The following COL8A1 variants were observed in gnomAD, a reference collection of about 807,000 sequenced individuals.
The protein encoded by COL8A1 is collagen type VIII alpha 1 chain.
Under a neutral mutation model 42.7 loss-of-function variants are expected in COL8A1, and 21 were observed. The observed-to-expected ratio is 0.49, with a 90% CI of 0.35 to 0.71. The LOEUF (loss-of-function observed/expected upper bound fraction) is 0.71, where lower values mean the gene tolerates loss of function less well. Ranked by LOEUF, COL8A1 falls within the 30% of genes least tolerant of loss-of-function variation. The pLI is 0.01. For synonymous variants in COL8A1, 367 were observed against 369.1 expected (o/e 0.99, Z 0.06); for missense variants, 788 against 962.4 (o/e 0.82, Z 2.40).
intron 1 of COL8A1, among the ~76,000 whole-genome samples, chr3:99,670,662 C>A (rs1938515159): frequency 6.6e-6 from 1 of 151,932 alleles, no homozygotes; most frequent in Non-Finnish European, 1.5e-5. Flanking sequence ...TTGAACTATA[C>A]AACACATTGT....
Position 99,752,692 on chromosome 3 carries a change from GC to G in COL8A1, c.-4+7678del, listed in dbSNP as rs576207278. On this transcript the variant is annotated intron_variant, in intron 2 of 3. Transcript: ENST00000652472. ...TGATTCTCCCTCACGCCCCCCACATGCCCCCCCACACACACATGCATGTACA... is the reference window on the plus strand; with the variant it reads ...TGATTCTCCCTCACGCCCCCCACATGCCCCCCACACACACATGCATGTACA... 2.9e-5 allele frequency among the ~76,000 whole-genome samples: 4 copies of G among 135,952 alleles called. No individual in the cohort carries two copies. The South Asian group carries it at 7.1e-4, about 24-fold the overall frequency. The allele number at this position is 135,952 out of a possible 152,430, so 89.2% of individuals were successfully genotyped here.
At chr3:99,664,333 T>C (rs933340202) in intron 1 of COL8A1, among the ~76,000 whole-genome samples, 5 of 152,188 alleles carry the variant, frequency 3.3e-5, no homozygotes, top group African/African-American at 9.7e-5. Context: ...TTTTCTCCAA[T>C]CACAGCTTTC....
At chr3:99,710,967 T>C (rs1470490830) in intron 1 of COL8A1, among the ~76,000 whole-genome samples, 10 of 152,170 alleles carry the variant, frequency 6.6e-5, no homozygotes, top group Admixed American at 1.3e-4. Context: ...TCCAGGGCCT[T>C]ACCCAAAGGT....
At chr3:99,772,174 GAA>G (rs1232375966) in intron 2 of COL8A1, among the ~76,000 whole-genome samples, 1 of 152,190 alleles carries the variant, frequency 6.6e-6, no homozygotes, top group Non-Finnish European at 1.5e-5. Context: ...ATCAAGCCAT[GAA>G]AAGACATGTA....
At chr3:99,711,973 T>C (rs575061644) in intron 1 of COL8A1, among the ~76,000 whole-genome samples, 2 of 152,276 alleles carry the variant, frequency 1.3e-5, no homozygotes, top group South Asian at 2.1e-4. Flanking sequence ...TGTGACTTTC[T>C]TTCCACTAAT....
In COL8A1 at chr3:99,794,443, T is replaced by G. The variant is rs780805050; in HGVS notation, c.542T>G (p.Ile181Ser). 6.2e-7 allele frequency: 1 copy of G among 1,613,174 alleles called. No individual in the cohort carries two copies. Among genetic ancestry groups the G allele is most frequent in the East Asian group, 2.2e-5 (1 of 44,798 alleles). The change falls in exon 4 of 4, where the codon ATT becomes AGT. Residue 181 changes from isoleucine to serine, a missense_variant. Physicochemically the swap from Ile to Ser is moderately radical, Grantham distance 142. Transcript: ENST00000652472. The surrounding 1 kb of genome is among the most constrained non-coding windows in gnomAD (Gnocchi z 4.3). ...GGCATGCCTGGGGCAAAAGGAGAAA[T>G]TGGACAGAAAGGGGAAATTGGGCCT... Reference protein sequence around the residue: ...AMGMPGAKGEIGQKGEIGPMG... With the variant: ...AMGMPGAKGESGQKGEIGPMG...
At chr3:99,701,034 G>A (rs915256008) in intron 1 of COL8A1, among the ~76,000 whole-genome samples, 1 of 152,168 alleles carries the variant, frequency 6.6e-6, no homozygotes, top group Non-Finnish European at 1.5e-5. Context: ...AACATGAAAA[G>A]CAAAACAAGA....
intron 1 of COL8A1, chr3:99,678,542 T>C (rs1193676081): frequency 6.6e-6 from 1 of 151,674 alleles, no homozygotes; most frequent in Non-Finnish European, 1.5e-5. Context: ...ATCTAGAAGT[T>C]CTCCCAGATA....
chr3:99,776,564 T>C (rs1353375420), intron 2 of COL8A1, among the ~76,000 whole-genome samples: 1 of 152,000 alleles, frequency 6.6e-6, no homozygotes, highest in East Asian at 1.9e-4. Flanking sequence ...CAAAAAAAAT[T>C]AGGAATAAAT....
intron 1 of COL8A1, among the ~76,000 whole-genome samples, chr3:99,730,247 T>G (rs1418514779): frequency 6.6e-6 from 1 of 152,134 alleles, no homozygotes; most frequent in Non-Finnish European, 1.5e-5. Flanking sequence ...AAAGGACATG[T>G]TTAACAAATA....
intron 2 of COL8A1, among the ~76,000 whole-genome samples, chr3:99,753,508 C>T (rs1397859241): frequency 6.6e-6 from 1 of 152,156 alleles, no homozygotes; most frequent in Non-Finnish European, 1.5e-5. Flanking sequence ...GTATAGAAAA[C>T]ACTGACGCCA....
At chr3:99,690,290 A>AAT (rs1208503550) in intron 1 of COL8A1, among the ~76,000 whole-genome samples, 1 of 152,250 alleles carries the variant, frequency 6.6e-6, no homozygotes, top group Non-Finnish European at 1.5e-5. Flanking sequence ...CTTAAAGGAA[A>AAT]ATATATATTA....
At chr3:99,643,833 C>T (rs944375171) in intron 1 of COL8A1, among the ~76,000 whole-genome samples, 4 of 152,172 alleles carry the variant, frequency 2.6e-5, no homozygotes, top group African/African-American at 7.2e-5. Flanking sequence ...AGATTTACAG[C>T]GTAACTCTCC....
chr3:99,757,291 C>T (rs1941272222), intron 2 of COL8A1, among the ~76,000 whole-genome samples: 1 of 152,114 alleles, frequency 6.6e-6, no homozygotes, highest in Non-Finnish European at 1.5e-5. Context: ...AACTTTTCTT[C>T]CTCGGGGTGC....
At chr3:99,737,559 C>A (rs1376316281) in intron 1 of COL8A1, among the ~76,000 whole-genome samples, 1 of 152,124 alleles carries the variant, frequency 6.6e-6, no homozygotes, top group African/African-American at 2.4e-5. Context: ...TTGGCCCCCA[C>A]TCTCTTCTGG....
chr3:99,761,907 G>C (rs1941372394), intron 2 of COL8A1, among the ~76,000 whole-genome samples: 1 of 152,074 alleles, frequency 6.6e-6, no homozygotes, highest in African/African-American at 2.4e-5. Context: ...AAGCCCCCAG[G>C]TTTCGTGGAA....
chr3:99,671,988 G>C (rs1404329481), intron 1 of COL8A1, among the ~76,000 whole-genome samples: 2 of 151,966 alleles, frequency 1.3e-5, no homozygotes, highest in African/African-American at 4.8e-5. Flanking sequence ...CAGGTGTTTG[G>C]AAACTTCATT....
intron 2 of COL8A1, among the ~76,000 whole-genome samples, chr3:99,769,856 T>C (rs1481269476): frequency 6.6e-6 from 1 of 151,386 alleles, no homozygotes; most frequent in Non-Finnish European, 1.5e-5. Flanking sequence ...GAGATGGAGG[T>C]TGCAGTGAGC....
At position 99,797,635 on chromosome 3, in the gene COL8A1, A is replaced by C. The variant is rs184465477; in HGVS notation, c.*1499A>C. 6.6e-6 allele frequency: 1 copy of C among 152,308 alleles called. No individual in the cohort carries two copies. Among genetic ancestry groups the C allele is most frequent in the East Asian group, 1.9e-4 (1 of 5,188 alleles). 9.4% of individuals were successfully genotyped at this position (152,308 alleles called of 1,614,324 possible). The stretch of plus-strand genomic sequence containing the variant: ...GGGGAGTTTCAGAATTACATAGAAA[A>C]ATTAATATTTGAAAAAATAATTCTG... On this transcript the variant is annotated 3_prime_UTR_variant, in exon 4 of 4. Transcript: ENST00000652472.
Sources: gnomAD v4.1 joint callset for allele counts (sites outside exome capture counted in the v4.1 genomes callset) on GRCh38, gnomAD v4.1.1 for gene constraint, Gnocchi (gnomAD v3.1) non-coding constraint, MANE v1.5 for transcripts, NCBI Gene and HGNC (gene_info 2026-07-23, HGNC 2026-07-21) for gene names.